Variants in COQ2 observed in about 807,000 individuals in gnomAD.
The protein encoded by COQ2 is 4-hydroxybenzoate polyprenyltransferase, mitochondrial.
A neutral mutation model predicts 35.7 loss-of-function variants in COQ2; 25 were observed. That is an observed-to-expected ratio of 0.70 (90% CI 0.51 to 0.98). The LOEUF (loss-of-function observed/expected upper bound fraction) is 0.98, where lower values mean the gene tolerates loss of function less well. COQ2 is among the 50% of genes least tolerant of loss of function. COQ2 has a pLI of 0.00. For missense variants in COQ2, 488 were observed against 473.5 expected (o/e 1.03, Z -0.28); for synonymous variants, 206 against 186.2 (o/e 1.11, Z -0.86).
intron 1 of COQ2, chr4:83,283,520 G>T (rs1735377863): frequency 7.0e-5 from 69 of 985,404 alleles, no homozygotes; most frequent in Non-Finnish European, 8.3e-5. Flanking sequence ...TTGTCCTTTG[G>T]AGTATAATTT....
At chr4:83,274,814 T>C (rs539980083) in intron 2 of COQ2, among the ~76,000 whole-genome samples, 42 of 152,302 alleles carry the variant, frequency 2.8e-4, no homozygotes, top group African/African-American at 9.6e-4. Context: ...GAAACAAATA[T>C]TAGATCATTT....
In COQ2 at chr4:83,267,636, C is replaced by A. The variant is rs1285696665; in HGVS notation, c.901G>T (p.Ala301Ser). 2 of 1,583,744 alleles carry A rather than the reference C, an allele frequency of 1.3e-6. No individual in the cohort carries two copies. The highest frequency in any genetic ancestry group is 1.7e-6 in the Non-Finnish European group (2 of 1,165,042). ...SLVGVNSGQT[A>S]PYYAALGAVG... ...GCACCCAGGGCAGCGTAGTAGGGAG[C>A]AGTCTGTCCACTGTTCACACCCACT... Residue 301 changes from alanine (A) to serine (S), a missense_variant, in exon 6 of 7, where the codon GCT becomes TCT. By Grantham distance (99) the Ala-to-Ser change is moderately conservative. Coordinates refer to ENST00000647002, the MANE Select transcript of COQ2 (RefSeq NM_001358921.2).
chr4:83,279,764 T>G (rs1735272592), intron 1 of COQ2, among the ~76,000 whole-genome samples: 1 of 152,102 alleles, frequency 6.6e-6, no homozygotes, highest in African/African-American at 2.4e-5. Context: ...CCCTGGCACC[T>G]TCTGAATATT....
At chr4:83,284,978 A>T (rs1735438442), upstream of COQ2, 1 of 1,113,200 alleles carries the variant, frequency 9.0e-7, no homozygotes, top group Admixed American at 3.4e-5. Context: ...CAAAAGGCAA[A>T]AAAATTACAA....
At chr4:83,265,957 G>A (rs1340896160) in intron 6 of COQ2, among the ~76,000 whole-genome samples, 3 of 152,166 alleles carry the variant, frequency 2.0e-5, no homozygotes, top group Non-Finnish European at 2.9e-5. Context: ...GAGCCACTGC[G>A]CCTGGCCGAA....
At position 83,274,014 on chromosome 4, in the gene COQ2, G is replaced by C. The variant is rs373331672; in HGVS notation, c.421-397C>G. 4.1e-4 allele frequency among the ~76,000 whole-genome samples: 61 copies of C among 149,750 alleles called. No homozygotes were observed. In the Middle Eastern group the frequency reaches 0.01, roughly 25 times the overall value. On this transcript the variant is annotated intron_variant, in intron 2 of 6. Coordinates refer to ENST00000647002, the MANE Select transcript of COQ2 (RefSeq NM_001358921.2). ...AAAAAAAAAAAAAAAAAATTAGCCA[G>C]GTATGGTGATGTGTGCCTGTAGCCC...
chr4:83,283,221 G>A, intron 1 of COQ2: 2 of 966,814 alleles, frequency 2.1e-6, no homozygotes, highest in Non-Finnish European at 2.5e-6. Flanking sequence ...CCTAATTCGG[G>A]TCTTGTACGG....
rs751448072 is a variant in COQ2 at position 83,272,152 on chromosome 4, G to C, written c.563C>G (p.Ser188Cys). The change falls in exon 4 of 7, where the codon TCC (serine) becomes TGC (cysteine). Residue 188 changes from serine to cysteine, a missense_variant. Ser to Cys is a moderately radical substitution (Grantham distance 112). Coordinates refer to ENST00000647002, the MANE Select transcript of COQ2 (RefSeq NM_001358921.2). ...TGGGTAGGTGATGACAAGAAGTAAG[G>C]ATCCTGCTCCCAGAGCTATACTGAA... ...NYYSIALGAG[S>C]LLLVITYPLM... 6.2e-7 allele frequency: 1 copy of C among 1,610,176 alleles called. No individual in the cohort carries two copies. The highest frequency in any genetic ancestry group is 8.5e-7 in the Non-Finnish European group (1 of 1,177,976).
In COQ2 at chr4:83,284,503, C is replaced by T; in HGVS notation, c.253+9G>A. 1.3e-6 allele frequency: 2 copies of T among 1,563,180 alleles called. No homozygotes were observed. The highest frequency in any genetic ancestry group is 1.7e-6 in the Non-Finnish European group (2 of 1,156,266). ...CAAATTCCCGGGCTGCCCGCCCGCC[C>T]GCACTCACCAATGGGCTTGTCCAAC... On this transcript the variant is annotated intron_variant, in intron 1 of 6. Transcript: ENST00000647002.
intron 2 of COQ2, among the ~76,000 whole-genome samples, chr4:83,278,685 C>G (rs576273266): frequency 9.1e-4 from 138 of 152,330 alleles, no homozygotes; most frequent in African/African-American, 3.0e-3. Flanking sequence ...AACTCCCTCA[C>G]CCTCAGTCTT....
At chr4:83,278,548 C>T (rs1323437437) in intron 2 of COQ2, among the ~76,000 whole-genome samples, 1 of 152,204 alleles carries the variant, frequency 6.6e-6, no homozygotes, top group African/African-American at 2.4e-5. Flanking sequence ...CTAACAAGTG[C>T]TGCCTTGATT....
At chr4:83,267,519 A>T in intron 6 of COQ2, 67 bp downstream of exon 6, 2 of 1,399,870 alleles carry the variant, frequency 1.4e-6, no homozygotes, top group Non-Finnish European at 1.9e-6. Flanking sequence ...CAGAGGGCAT[A>T]CTGTTTAAAT....
At chr4:83,283,701 A>G in intron 1 of COQ2, 1 of 985,422 alleles carries the variant, frequency 1.0e-6, no homozygotes, top group Non-Finnish European at 1.2e-6. Flanking sequence ...TTCTATCTCT[A>G]TGGCCGGACA....
intron 1 of COQ2, chr4:83,283,938 A>G (rs919361240): frequency 1.0e-6 from 1 of 985,462 alleles, no homozygotes; most frequent in African/African-American, 1.7e-5. Context: ...GCTGCGTTCA[A>G]ATGAATTAAA....
Position 83,278,944 on chromosome 4 carries a change from T to G in COQ2, c.420+4A>C, listed in dbSNP as rs766354540. On this transcript the variant is annotated splice_donor_region_variant and intron_variant, in intron 2 of 6. Transcript: ENST00000647002. Reference sequence around the variant, plus strand: ...CTCTCTATTCCTTTTCAGGATGAAATTACCTTTTTATCATAGTCCTGGTCC... The same window carrying G: ...CTCTCTATTCCTTTTCAGGATGAAAGTACCTTTTTATCATAGTCCTGGTCC... 2 of 1,571,358 alleles carry G rather than the reference T, an allele frequency of 1.3e-6. No homozygotes were observed. The highest frequency in any genetic ancestry group is 3.9e-5 in the Admixed American group (2 of 51,868).
At chr4:83,267,347 A>G in intron 6 of COQ2, 1 of 429,574 alleles carries the variant, frequency 2.3e-6, no homozygotes, top group Non-Finnish European at 4.2e-6. Context: ...ACTGCACTCC[A>G]GCCTGGATGA....
At chr4:83,273,980 C>CAAAAAA (rs967781699) in intron 2 of COQ2, among the ~76,000 whole-genome samples, 10 of 29,068 alleles carry the variant, frequency 3.4e-4, no homozygotes, top group Admixed American at 8.9e-4. Flanking sequence ...GCTGTCTCTA[C>CAAAAAA]AAAAAAAAAA....
intron 1 of COQ2, among the ~76,000 whole-genome samples, chr4:83,280,322 T>TC (rs1735291681): frequency 1.3e-5 from 2 of 152,228 alleles, no homozygotes; most frequent in South Asian, 4.1e-4. Flanking sequence ...AATTCTGAGC[T>TC]TTCTTTCCCT....
Position 83,273,963 on chromosome 4 carries a change from A to G in COQ2, c.421-346T>C, listed in dbSNP as rs143092527. Among the ~76,000 whole-genome samples the G allele has an allele frequency of 5.0e-3, 661 of 131,452 alleles. 1 individual carries two copies. Among genetic ancestry groups the G allele is most frequent in the African/African-American group, 0.018 (627 of 34,114 alleles). The allele number at this position is 131,452 out of a possible 152,430, so 86.2% of individuals were successfully genotyped here. ...GTTCAAGACCAGACTAGGCAACATA[A>G]GGAGGCGCTGTCTCTACAAAAAAAA... is the stretch of plus-strand genomic sequence containing the variant. On this transcript the variant is annotated intron_variant, in intron 2 of 6. Transcript: ENST00000647002.
Sources: allele counts gnomAD v4.1 joint callset (sites outside exome capture counted in the v4.1 genomes callset), GRCh38; gene constraint gnomAD v4.1.1; transcripts MANE v1.5; gene names NCBI Gene and HGNC (gene_info 2026-07-23, HGNC 2026-07-21).